Variants in MYOM1 observed in about 807,000 individuals in gnomAD.
The protein encoded by MYOM1 is myomesin 1, also known as myomesin-1.
Under a neutral mutation model 205.3 loss-of-function variants are expected in MYOM1, and 164 were observed. The observed-to-expected ratio is 0.80, with a 90% CI of 0.70 to 0.91. The LOEUF is 0.91. MYOM1 is among the 40% of genes least tolerant of loss of function. MYOM1 has a pLI of 0.00. For synonymous variants in MYOM1, 772 were observed against 789.4 expected (o/e 0.98, Z 0.37); for missense variants, 2,011 against 2,127.3 (o/e 0.95, Z 1.08).
chr18:3,111,746 C>T (rs1458189003), intron 22 of MYOM1, among the ~76,000 whole-genome samples: 2 of 152,070 alleles, frequency 1.3e-5, no homozygotes, highest in African/African-American at 4.8e-5. Flanking sequence ...GTTTATGTAT[C>T]CTCAATGGCT....
At chr18:3,212,366 T>C (rs2081201071) in intron 2 of MYOM1, among the ~76,000 whole-genome samples, 1 of 152,202 alleles carries the variant, frequency 6.6e-6, no homozygotes, top group East Asian at 1.9e-4. Context: ...ATGGCCAAAA[T>C]GGATAAGTCT....
At chr18:3,125,176 A>G (rs1366755922) in intron 19 of MYOM1, among the ~76,000 whole-genome samples, 1 of 152,232 alleles carries the variant, frequency 6.6e-6, no homozygotes, top group Non-Finnish European at 1.5e-5. Flanking sequence ...ACAGTATGGA[A>G]TTATCTAGTA....
chr18:3,070,736 T>TGTGTG (rs2078949184), intron 37 of MYOM1, among the ~76,000 whole-genome samples: 2 of 146,102 alleles, frequency 1.4e-5, no homozygotes, highest in Non-Finnish European at 3.0e-5. Context: ...TGCATGTTCT[T>TGTGTG]TGTGTGTGTG....
intron 19 of MYOM1, among the ~76,000 whole-genome samples, chr18:3,122,710 T>G (rs1464450903): frequency 2.0e-5 from 3 of 152,162 alleles, no homozygotes; most frequent in Admixed American, 2.0e-4. Context: ...TTGAATTTAT[T>G]CCAGGAATGC....
chr18:3,182,277 G>A (rs113057056), intron 5 of MYOM1, among the ~76,000 whole-genome samples: 2,545 of 151,548 alleles, frequency 0.017, 59 homozygotes, highest in African/African-American at 0.059. Context: ...TAAAAAGTAT[G>A]CCTGTCATGA....
chr18:3,087,339 G>A (rs1296825484), intron 29 of MYOM1, among the ~76,000 whole-genome samples: 1 of 150,324 alleles, frequency 6.7e-6, no homozygotes, highest in Admixed American at 6.6e-5. Flanking sequence ...TTTTAAAGCC[G>A]TGGTGACTTC....
intron 2 of MYOM1, among the ~76,000 whole-genome samples, chr18:3,210,211 A>T (rs950393403): frequency 5.9e-5 from 9 of 152,246 alleles, no homozygotes; most frequent in Non-Finnish European, 1.2e-4. Flanking sequence ...ATATTGGGGT[A>T]GGAGATGGAA....
chr18:3,135,454 A>T lies in MYOM1; in HGVS notation c.2209+93T>A. 9.3e-7 allele frequency: 1 copy of T among 1,079,750 alleles called. No individual in the cohort carries two copies. Among genetic ancestry groups the T allele is most frequent in the Admixed American group, 2.8e-5 (1 of 35,926 alleles). The allele number at this position is 1,079,750 out of a possible 1,614,324, so 66.9% of individuals were successfully genotyped here. ...AGTAAATTTATAATATGAAAGAAGGATGTCACCATTTTTACTCCTGGCCAA... is the reference window on the plus strand; with the variant it reads ...AGTAAATTTATAATATGAAAGAAGGTTGTCACCATTTTTACTCCTGGCCAA... On this transcript the variant is annotated intron_variant, in intron 15 of 37. Transcript: ENST00000356443. This position sits in a 1 kb window ranked among gnomAD's most constrained non-coding sequence, Gnocchi z 4.1.
upstream of MYOM1, among the ~76,000 whole-genome samples, chr18:3,224,529 T>C (rs568573680): frequency 6.6e-6 from 1 of 152,260 alleles, no homozygotes; most frequent in East Asian, 1.9e-4. Context: ...GGCAGGTAAG[T>C]GGGATAGGGC....
intron 2 of MYOM1, among the ~76,000 whole-genome samples, chr18:3,199,875 C>G (rs535142449): frequency 2.6e-5 from 4 of 152,132 alleles, no homozygotes; most frequent in South Asian, 2.1e-4. Context: ...TTTAGCTGTG[C>G]TCCCTAACAC....
At chr18:3,193,779 T>C (rs2080953450) in intron 3 of MYOM1, 39 bp downstream of exon 3, 1 of 1,599,332 alleles carries the variant, frequency 6.3e-7, no homozygotes, top group Admixed American at 1.7e-5. Flanking sequence ...TACTATATAC[T>C]TCTTAAAAAT....
chr18:3,102,828 C>T (rs1415423054), intron 22 of MYOM1, among the ~76,000 whole-genome samples, 198 bp from the exon 23 acceptor site: 5 of 152,202 alleles, frequency 3.3e-5, no homozygotes, highest in Non-Finnish European at 7.3e-5. Flanking sequence ...TAGATGGTTG[C>T]ACCACATTTC....
rs1235849247 is a variant in MYOM1 at position 3,152,036 on chromosome 18, T to G, written c.1644-143A>C. On this transcript the variant is annotated intron_variant, in intron 11 of 37. Coordinates refer to ENST00000356443, the MANE Select transcript of MYOM1 (RefSeq NM_003803.4). This position sits in a 1 kb window ranked among gnomAD's most constrained non-coding sequence, Gnocchi z 4.3. ...AGGCGTGGCTCGCTACCTGGTGAAC[T>G]GCATGCAGGCACTCCGTTTCACTCA... 4.1e-6 allele frequency: 3 copies of G among 736,228 alleles called. No homozygotes were observed. The highest frequency in any genetic ancestry group is 6.4e-6 in the Non-Finnish European group (3 of 466,738). The allele number at this position is 736,228 out of a possible 1,614,324, so 45.6% of individuals were successfully genotyped here.
chr18:3,244,550 T>C, the MYOM1 span, among the ~76,000 whole-genome samples: 1 of 152,100 alleles, frequency 6.6e-6, no homozygotes, highest in African/African-American at 2.4e-5. Flanking sequence ...TGTCAGGAGT[T>C]TGAGACCAGC....
chr18:3,210,295 A>C (rs2081176343), intron 2 of MYOM1, among the ~76,000 whole-genome samples: 1 of 152,144 alleles, frequency 6.6e-6, no homozygotes, highest in Non-Finnish European at 1.5e-5. Flanking sequence ...CTTTTGTCTG[A>C]ATTATAACAG....
At chr18:3,099,790 GA>G (rs530048349) in intron 25 of MYOM1, among the ~76,000 whole-genome samples, 223 of 152,146 alleles carry the variant, frequency 1.5e-3, no homozygotes, top group Non-Finnish European at 2.7e-3. Context: ...TCTTACTTAG[GA>G]AAAGATTAGT....
chr18:3,214,690 G>C (rs1414672261), intron 2 of MYOM1, among the ~76,000 whole-genome samples: 1 of 152,174 alleles, frequency 6.6e-6, no homozygotes, highest in Non-Finnish European at 1.5e-5. Flanking sequence ...GGGCGTGGTG[G>C]TGCACGCCTG....
At chr18:3,147,085 T>G (rs940289160) in intron 13 of MYOM1, among the ~76,000 whole-genome samples, 1 of 109,664 alleles carries the variant, frequency 9.1e-6, no homozygotes, top group Non-Finnish European at 2.2e-5. Context: ...TATATAAATA[T>G]TATACATTAT....
At chr18:3,094,892 A>G (rs867229627) in intron 25 of MYOM1, among the ~76,000 whole-genome samples, 1 of 151,430 alleles carries the variant, frequency 6.6e-6, no homozygotes. Context: ...TGAACTCCTA[A>G]CCTCAAGTGA....
Sources: allele counts gnomAD v4.1 joint callset (sites outside exome capture counted in the v4.1 genomes callset), GRCh38; gene constraint gnomAD v4.1.1; non-coding constraint Gnocchi (gnomAD v3.1); transcripts MANE v1.5; gene names NCBI Gene and HGNC (gene_info 2026-07-23, HGNC 2026-07-21).